EXOC6: variants seen among roughly 807,000 people sequenced by gnomAD.
EXOC6 encodes the protein exocyst complex component 6, also known as SEC15-like 1.
A neutral mutation model predicts 112.5 loss-of-function variants in EXOC6; 60 were observed. That is an observed-to-expected ratio of 0.53 (90% CI 0.43 to 0.66). EXOC6 has a LOEUF of 0.66. EXOC6 is among the 30% of genes least tolerant of loss of function. EXOC6 has a pLI of 0.00. For missense variants in EXOC6, 855 were observed against 957.1 expected (o/e 0.89, Z 1.41); for synonymous variants, 295 against 308.0 (o/e 0.96, Z 0.44).
At chr10:92,848,671 C>T (rs188445802) in intron 1 of EXOC6, 37 bp downstream of exon 1, 20,159 of 1,304,136 alleles carry the variant, frequency 0.015, 203 homozygotes, top group Middle Eastern at 0.018. Flanking sequence ...CGGCCCCCCG[C>T]CCCACGCCGG....
chr10:92,911,974 TTTGTG>T (rs1850811071), intron 6 of EXOC6, among the ~76,000 whole-genome samples: 1 of 133,720 alleles, frequency 7.5e-6, no homozygotes. Context: ...TGTGTGTGTG[TTTGTG>T]TATGTATAAG....
chr10:92,956,273 G>A (rs181235727), intron 17 of EXOC6, among the ~76,000 whole-genome samples: 2 of 152,166 alleles, frequency 1.3e-5, no homozygotes, highest in Admixed American at 1.3e-4. Context: ...TGGAGTCATA[G>A]ATGAGACACT....
intron 1 of EXOC6, among the ~76,000 whole-genome samples, chr10:92,871,081 G>A (rs1404563044): frequency 6.6e-6 from 1 of 152,088 alleles, no homozygotes; most frequent in East Asian, 1.9e-4. Context: ...TTTGGTAGAG[G>A]AGTCTTTTAA....
intron 20 of EXOC6, among the ~76,000 whole-genome samples, chr10:93,034,429 A>G (rs551156427): frequency 5.8e-4 from 89 of 152,170 alleles, no homozygotes; most frequent in Non-Finnish European, 1.2e-4. Context: ...TCTCTACCAT[A>G]CCCCCAAATG....
At chr10:92,934,673 T>G (rs1278773064) in intron 11 of EXOC6, among the ~76,000 whole-genome samples, 1 of 152,146 alleles carries the variant, frequency 6.6e-6, no homozygotes, top group Non-Finnish European at 1.5e-5. Flanking sequence ...TAAGCAGGTC[T>G]CATTAGTCTC....
chr10:92,951,426 G>A (rs1853406465), intron 14 of EXOC6, among the ~76,000 whole-genome samples: 1 of 152,178 alleles, frequency 6.6e-6, no homozygotes, highest in African/African-American at 2.4e-5. Flanking sequence ...ATCCAAGGAA[G>A]GAGAGATCAT....
chr10:92,873,338 A>G (rs1848537935), intron 1 of EXOC6, among the ~76,000 whole-genome samples: 1 of 152,196 alleles, frequency 6.6e-6, no homozygotes, highest in Non-Finnish European at 1.5e-5. Flanking sequence ...AGTAATACAG[A>G]ATGTCAACAC....
At chr10:92,894,655 C>G in intron 2 of EXOC6, 139 bp from the exon 3 acceptor site, 1 of 636,424 alleles carries the variant, frequency 1.6e-6, no homozygotes, top group Non-Finnish European at 2.7e-6. Context: ...AGTTCAAGTT[C>G]AAGCTGTAGA....
intron 1 of EXOC6, chr10:92,878,064 A>G: frequency 6.5e-6 from 1 of 154,748 alleles, no homozygotes; most frequent in Middle Eastern, 6.3e-4. Context: ...GTAAACCGGC[A>G]TTTATTCATC....
chr10:92,929,743 G>A (rs140709533), intron 9 of EXOC6, among the ~76,000 whole-genome samples: 1 of 152,296 alleles, frequency 6.6e-6, no homozygotes, highest in African/African-American at 2.4e-5. Context: ...TTTAACAGTT[G>A]ATGAATTCTC....
At position 92,899,593 on chromosome 10, in the gene EXOC6, A is replaced by T. The variant is rs750734394; in HGVS notation, c.413-6A>T. The T allele has an allele frequency of 8.2e-6, 13 of 1,578,214 alleles. 1 individual carries two copies. Among genetic ancestry groups the T allele is most frequent in the Non-Finnish European group, 1.1e-5 (13 of 1,161,918 alleles). On this transcript the variant is annotated splice_polypyrimidine_tract_variant and splice_region_variant and intron_variant, in intron 4 of 21. Coordinates refer to ENST00000260762, the MANE Select transcript of EXOC6 (RefSeq NM_019053.6). The stretch of plus-strand genomic sequence containing the variant: ...GAAAGCTAAAATGTTATATTTTTTA[A>T]TGCAGTGCTAGAAATGTACAGTAAG...
chr10:92,947,484 A>G (rs541745274), intron 13 of EXOC6, among the ~76,000 whole-genome samples: 2 of 152,348 alleles, frequency 1.3e-5, no homozygotes, highest in East Asian at 1.9e-4. Flanking sequence ...ACTATAAAAG[A>G]TCCATTTCTA....
intron 12 of EXOC6, among the ~76,000 whole-genome samples, chr10:92,936,968 A>G (rs1426815601): frequency 6.6e-6 from 1 of 152,064 alleles, no homozygotes; most frequent in African/African-American, 2.4e-5. Flanking sequence ...ATATCATCCT[A>G]TTCCCCCCTG....
At chr10:92,999,862 C>A (rs1425534372) in intron 19 of EXOC6, among the ~76,000 whole-genome samples, 1 of 151,836 alleles carries the variant, frequency 6.6e-6, no homozygotes, top group African/African-American at 2.4e-5. Flanking sequence ...GCCACCAGGC[C>A]CGGCTAATTT....
In EXOC6 at chr10:92,894,108, C is replaced by A. The variant is rs1849635867; in HGVS notation, c.273+588C>A. Among the ~76,000 whole-genome samples the A allele has an allele frequency of 2.0e-5, 3 of 152,190 alleles. No homozygotes were observed. The South Asian group carries it at 6.2e-4, about 32-fold the overall frequency. ...TTAGAGCACTTAGCAGACAAAATGA[C>A]CCTGGTTCACCAAAGGTTATGATTA... On this transcript the variant is annotated intron_variant, in intron 2 of 21. Coordinates refer to ENST00000260762, the MANE Select transcript of EXOC6 (RefSeq NM_019053.6).
intron 4 of EXOC6, 74 bp from the exon 5 acceptor site, chr10:92,899,525 G>T (rs1850037557): frequency 9.5e-7 from 1 of 1,051,484 alleles, no homozygotes; most frequent in Non-Finnish European, 1.4e-6. Context: ...ACTCTTTCCT[G>T]CTTTGATTAT....
intron 1 of EXOC6, among the ~76,000 whole-genome samples, chr10:92,881,526 C>T (rs1260320831): frequency 6.6e-6 from 1 of 152,120 alleles, no homozygotes; most frequent in Non-Finnish European, 1.5e-5. Context: ...GTGTATATGC[C>T]TGTTTTCTGC....
chr10:92,916,032 G>C, intron 7 of EXOC6, 119 bp downstream of exon 7: 1 of 743,326 alleles, frequency 1.3e-6, no homozygotes, highest in Non-Finnish European at 2.0e-6. Context: ...TGTAAAAGTT[G>C]TCAGAGTCAA....
At chr10:92,944,258 CAG>C (rs761778562) in intron 13 of EXOC6, among the ~76,000 whole-genome samples, 3 of 151,494 alleles carry the variant, frequency 2.0e-5, no homozygotes, top group African/African-American at 7.3e-5. Flanking sequence ...TTTTTTGAGA[CAG>C]AGTCTTTGCT....
Sources: gnomAD v4.1 joint callset for allele counts (sites outside exome capture counted in the v4.1 genomes callset) on GRCh38, gnomAD v4.1.1 for gene constraint, MANE v1.5 for transcripts, NCBI Gene and HGNC (gene_info 2026-07-23, HGNC 2026-07-21) for gene names.